Variants in SLC24A3 observed in about 807,000 individuals in gnomAD.
SLC24A3 encodes the protein solute carrier family 24 member 3.
SLC24A3 carries 28 observed loss-of-function variants against 75.8 expected under a neutral mutation model. That is an observed-to-expected ratio of 0.37 (90% CI 0.27 to 0.51). The LOEUF (loss-of-function observed/expected upper bound fraction) is 0.51, where lower values mean the gene tolerates loss of function less well. SLC24A3 is among the 20% of genes least tolerant of loss of function. SLC24A3 has a pLI of 0.94. For synonymous variants in SLC24A3, 372 were observed against 334.1 expected (o/e 1.11, Z -1.24); for missense variants, 663 against 847.8 (o/e 0.78, Z 2.71).
At chr20:19,551,587 C>T (rs2122599555) in intron 3 of SLC24A3, among the ~76,000 whole-genome samples, 1 of 152,312 alleles carries the variant, frequency 6.6e-6, no homozygotes, top group Middle Eastern at 3.4e-3. Flanking sequence ...CCATGAGTCG[C>T]TTGTTTTTCC....
At chr20:19,336,678 C>T (rs549486270) in intron 2 of SLC24A3, among the ~76,000 whole-genome samples, 2 of 109,666 alleles carry the variant, frequency 1.8e-5, no homozygotes, top group Non-Finnish European at 3.7e-5. Flanking sequence ...CCACTGTGCC[C>T]GCCCGCCACC....
intron 2 of SLC24A3, among the ~76,000 whole-genome samples, chr20:19,411,401 C>A (rs1986741901): frequency 6.6e-6 from 1 of 152,164 alleles, no homozygotes; most frequent in Non-Finnish European, 1.5e-5. Flanking sequence ...TGTTAGTTGG[C>A]AGGACAGTAA....
At chr20:19,486,105 T>C (rs1258286587) in intron 2 of SLC24A3, among the ~76,000 whole-genome samples, 1 of 152,142 alleles carries the variant, frequency 6.6e-6, no homozygotes, top group Non-Finnish European at 1.5e-5. Flanking sequence ...TCAGGTTCAC[T>C]CACCAGCATG....
chr20:19,682,146 A>G (rs892795695), intron 10 of SLC24A3, among the ~76,000 whole-genome samples, 155 bp downstream of exon 10: 2 of 152,132 alleles, frequency 1.3e-5, no homozygotes, highest in Admixed American at 6.5e-5. Flanking sequence ...TCCCAGCTGC[A>G]TGGGAGGCCG....
chr20:19,309,129 T>C (rs976599881), intron 2 of SLC24A3, among the ~76,000 whole-genome samples: 5 of 152,218 alleles, frequency 3.3e-5, no homozygotes, highest in African/African-American at 1.2e-4. Flanking sequence ...TAGGTTTGTC[T>C]ACCTTTAAAA....
At chr20:19,417,642 G>T (rs55682953) in intron 2 of SLC24A3, among the ~76,000 whole-genome samples, 1 of 152,134 alleles carries the variant, frequency 6.6e-6, no homozygotes, top group Non-Finnish European at 1.5e-5. Context: ...AGAATAAGTT[G>T]TTTATTAGGA....
intron 6 of SLC24A3, among the ~76,000 whole-genome samples, chr20:19,637,106 C>T (rs560000046): frequency 6.6e-6 from 1 of 151,974 alleles, no homozygotes; most frequent in Non-Finnish European, 1.5e-5. Context: ...CAAGATCCGC[C>T]TGGCCAACAT....
intron 2 of SLC24A3, among the ~76,000 whole-genome samples, chr20:19,309,630 A>G (rs1984409134): frequency 1.3e-5 from 2 of 152,158 alleles, no homozygotes; most frequent in South Asian, 4.1e-4. Flanking sequence ...GGATAACAAG[A>G]TGTTAACTTT....
At chr20:19,272,293 C>T (rs1013789356) in intron 1 of SLC24A3, among the ~76,000 whole-genome samples, 1 of 152,244 alleles carries the variant, frequency 6.6e-6, no homozygotes, top group Non-Finnish European at 1.5e-5. Flanking sequence ...CTTCCTGGTC[C>T]TGGGGATGTT....
chr20:19,698,754 G>A (rs1485772870), intron 15 of SLC24A3, 74 bp downstream of exon 15: 29 of 1,168,248 alleles, frequency 2.5e-5, no homozygotes, highest in Non-Finnish European at 3.4e-5. Context: ...TTGGCCACAG[G>A]GTCTTTGTCT....
intron 2 of SLC24A3, among the ~76,000 whole-genome samples, chr20:19,425,478 C>T (rs957588472): frequency 7.9e-5 from 12 of 152,154 alleles, no homozygotes; most frequent in African/African-American, 2.9e-4. Context: ...CAATTGTTCA[C>T]TCATTATTAG....
chr20:19,218,855 A>G (rs1033377433), intron 1 of SLC24A3, among the ~76,000 whole-genome samples: 3 of 152,136 alleles, frequency 2.0e-5, no homozygotes, highest in Non-Finnish European at 2.9e-5. Flanking sequence ...TGAGTGAAAG[A>G]ACTTTTTGGA....
intron 3 of SLC24A3, among the ~76,000 whole-genome samples, chr20:19,528,856 C>T (rs991502313): frequency 1.3e-5 from 2 of 152,162 alleles, no homozygotes; most frequent in Non-Finnish European, 2.9e-5. Flanking sequence ...ATGGGACCAG[C>T]GGTTTGACTG....
chr20:19,537,950 C>T (rs1177886621), intron 3 of SLC24A3, among the ~76,000 whole-genome samples: 1 of 151,696 alleles, frequency 6.6e-6, no homozygotes, highest in African/African-American at 2.4e-5. Flanking sequence ...ATGGGTGCAG[C>T]ACACCAACAT....
intron 2 of SLC24A3, among the ~76,000 whole-genome samples, chr20:19,322,350 TTTCCTTCCTTCCTTCCCTTCCTTCC>T (rs1317737624): frequency 0.016 from 1,829 of 114,192 alleles, 35 homozygotes; most frequent in African/African-American, 0.047. Context: ...TTGAGCCTTC[TTTCCTTCCTTCCTTCCCTTCCTTCC>T]TTCCTTCCTT....
Position 19,579,986 on chromosome 20 carries a change from C to G in SLC24A3, c.349-14C>G. On this transcript the variant is annotated splice_polypyrimidine_tract_variant and intron_variant, in intron 3 of 16. Transcript: ENST00000328041. ...TCACTCTAACTTTAACCCCTTTTATCTCCTCTCTTCCAGGCCATATACATG... is the reference window on the plus strand; with the variant it reads ...TCACTCTAACTTTAACCCCTTTTATGTCCTCTCTTCCAGGCCATATACATG... The G allele has an allele frequency of 6.2e-7, 1 of 1,606,314 alleles. No homozygotes were observed. Among genetic ancestry groups the G allele is most frequent in the Non-Finnish European group, 8.5e-7 (1 of 1,173,630 alleles).
intron 2 of SLC24A3, among the ~76,000 whole-genome samples, chr20:19,295,747 A>T (rs1054435190): frequency 9.2e-5 from 14 of 151,952 alleles, no homozygotes; most frequent in African/African-American, 3.4e-4. Context: ...TGCTGGATTC[A>T]GTTTGCCAGT....
At chr20:19,272,076 A>T (rs1230246206) in intron 1 of SLC24A3, among the ~76,000 whole-genome samples, 2 of 152,250 alleles carry the variant, frequency 1.3e-5, no homozygotes, top group Admixed American at 1.3e-4. Flanking sequence ...GCAGGGGCTT[A>T]GGCCCCTCTC....
At position 19,463,363 on chromosome 20, in the gene SLC24A3, C is replaced by T. The variant is rs186185028; in HGVS notation, c.272-52125C>T. Among the ~76,000 whole-genome samples, 361 of 152,294 alleles carry T rather than the reference C, an allele frequency of 2.4e-3. 1 individual carries two copies. Among genetic ancestry groups the T allele is most frequent in the African/African-American group, 8.4e-3 (350 of 41,564 alleles). ...AGGGCGCAGGTGCCCACCAGTCTCT[C>T]GATCCGTTAACATTTCAGTCTTGGT... On this transcript the variant is annotated intron_variant, in intron 2 of 16. Coordinates refer to ENST00000328041, the MANE Select transcript of SLC24A3 (RefSeq NM_020689.4).
Sources: gnomAD v4.1 joint callset for allele counts (sites outside exome capture counted in the v4.1 genomes callset) on GRCh38, gnomAD v4.1.1 for gene constraint, MANE v1.5 for transcripts, NCBI Gene and HGNC (gene_info 2026-07-23, HGNC 2026-07-21) for gene names.